Variants in KCTD16 observed in about 807,000 individuals in gnomAD.
KCTD16 encodes the protein BTB/POZ domain-containing protein KCTD16.
KCTD16 carries 13 observed loss-of-function variants against 33.2 expected under a neutral mutation model. That is an observed-to-expected ratio of 0.39 (90% confidence interval 0.25 to 0.62). The LOEUF (loss-of-function observed/expected upper bound fraction) is 0.62. KCTD16 is among the 20% of genes least tolerant of loss of function. KCTD16 has a pLI of 0.50. For missense variants in KCTD16, 441 were observed against 525.1 expected (o/e 0.84, Z 1.57); for synonymous variants, 197 against 195.3 (o/e 1.01, Z -0.07).
At chr5:144,446,190 A>T (rs1281828668) in intron 3 of KCTD16, among the ~76,000 whole-genome samples, 1 of 151,784 alleles carries the variant, frequency 6.6e-6, no homozygotes, top group Non-Finnish European at 1.5e-5. Flanking sequence ...TGATTTTTTT[A>T]AATGTGGGTA....
chr5:144,418,063 T>C (rs1753115573), intron 3 of KCTD16, among the ~76,000 whole-genome samples: 1 of 152,144 alleles, frequency 6.6e-6, no homozygotes, highest in Non-Finnish European at 1.5e-5. Context: ...GCAGTGAGTA[T>C]TACAGCTCTT....
chr5:144,436,063 C>T (rs1267779896), intron 3 of KCTD16, among the ~76,000 whole-genome samples: 1 of 152,196 alleles, frequency 6.6e-6, no homozygotes, highest in Non-Finnish European at 1.5e-5. Flanking sequence ...TAGAGCCGCT[C>T]TTTCTAGTTC....
intron 3 of KCTD16, among the ~76,000 whole-genome samples, chr5:144,459,052 A>T (rs895259525): frequency 9.2e-5 from 14 of 152,252 alleles, no homozygotes; most frequent in Non-Finnish European, 1.8e-4. Context: ...GATCAGCAGA[A>T]GGACTAACCA....
chr5:144,202,484 G>A lies in KCTD16; in HGVS notation c.-326-3905G>A, dbSNP rs576079427. On this transcript the variant is annotated intron_variant, in intron 2 of 3. Coordinates refer to ENST00000512467, the MANE Select transcript of KCTD16 (RefSeq NM_020768.4). ...ATCCCTGAGACTAAAGAAACAAGAA[G>A]GAGTACAGATCTGGGGATGTTAACC... is the stretch of plus-strand genomic sequence containing the variant. Among the ~76,000 whole-genome samples the A allele has an allele frequency of 7.2e-5, 11 of 152,214 alleles. No homozygotes were observed. The South Asian group carries it at 2.3e-3, about 32-fold the overall frequency.
chr5:144,325,092 A>T (rs1177511115), intron 3 of KCTD16, among the ~76,000 whole-genome samples: 1 of 152,230 alleles, frequency 6.6e-6, no homozygotes, highest in Non-Finnish European at 1.5e-5. Flanking sequence ...AAATAAAATA[A>T]AAAAGACTGT....
At chr5:144,402,532 T>A (rs1216223379) in intron 3 of KCTD16, among the ~76,000 whole-genome samples, 1 of 152,190 alleles carries the variant, frequency 6.6e-6, no homozygotes. Context: ...CACTGCTTAC[T>A]AGCTACAAGT....
At chr5:144,301,269 A>G (rs1391340042) in intron 3 of KCTD16, among the ~76,000 whole-genome samples, 2 of 150,310 alleles carry the variant, frequency 1.3e-5, no homozygotes. Context: ...AAAGATCGTG[A>G]AGGACATTGA....
chr5:144,452,880 T>C (rs1474817173), intron 3 of KCTD16, among the ~76,000 whole-genome samples: 1 of 152,116 alleles, frequency 6.6e-6, no homozygotes, highest in Non-Finnish European at 1.5e-5. Context: ...TGCTTTTCTC[T>C]GAAGTTCCAG....
At chr5:144,305,841 A>T (rs1045199735) in intron 3 of KCTD16, among the ~76,000 whole-genome samples, 3 of 152,112 alleles carry the variant, frequency 2.0e-5, no homozygotes, top group Non-Finnish European at 4.4e-5. Flanking sequence ...TAAAAAATAA[A>T]TAAAAAATAA....
chr5:144,284,928 T>C (rs1755703826), intron 3 of KCTD16, among the ~76,000 whole-genome samples: 1 of 152,202 alleles, frequency 6.6e-6, no homozygotes, highest in South Asian at 2.1e-4. Context: ...CCAGAATCCC[T>C]AAGTGACCAC....
intron 3 of KCTD16, among the ~76,000 whole-genome samples, chr5:144,261,167 C>CAAAAA (rs1299878040): frequency 1.1e-3 from 84 of 78,036 alleles, no homozygotes; most frequent in Non-Finnish European, 1.5e-3. Flanking sequence ...GGAACAACAA[C>CAAAAA]AAAAAAAAAA....
intron 3 of KCTD16, among the ~76,000 whole-genome samples, chr5:144,321,556 G>A (rs145360168): frequency 3.3e-5 from 5 of 152,140 alleles, no homozygotes; most frequent in Non-Finnish European, 7.4e-5. Context: ...TAGGTTAGCT[G>A]CAATGTTTTA....
chr5:144,274,328 G>C (rs1252483933), intron 3 of KCTD16, among the ~76,000 whole-genome samples: 1 of 152,068 alleles, frequency 6.6e-6, no homozygotes, highest in East Asian at 1.9e-4. Flanking sequence ...AGGTAGCTTG[G>C]CTAGGTTAAG....
intron 2 of KCTD16, chr5:144,206,078 G>A (rs77656644): frequency 0.016 from 2,402 of 151,752 alleles, 41 homozygotes; most frequent in Middle Eastern, 0.037. Context: ...CTGTCCAGCT[G>A]AAAAAAAAAT....
chr5:144,204,773 A>G (rs1031748824), intron 2 of KCTD16, among the ~76,000 whole-genome samples: 1 of 152,072 alleles, frequency 6.6e-6, no homozygotes, highest in Non-Finnish European at 1.5e-5. Context: ...ACCTATTTAC[A>G]TATATATTCA....
chr5:144,248,561 T>C lies in KCTD16; in HGVS notation c.832+41015T>C, dbSNP rs148747642. 4.3e-3 allele frequency among the ~76,000 whole-genome samples: 649 copies of C among 152,358 alleles called. 6 individuals carry two copies. The highest frequency in any genetic ancestry group is 0.015 in the African/African-American group (622 of 41,582). On this transcript the variant is annotated intron_variant, in intron 3 of 3. Coordinates refer to ENST00000512467, the MANE Select transcript of KCTD16 (RefSeq NM_020768.4). ...CTGACTTTCATTTTAACAGGCTCCC[T>C]CTGGCTGCTCTTTTGAAAATAGACT...
chr5:144,242,435 C>T (rs955658945), intron 3 of KCTD16, among the ~76,000 whole-genome samples: 3 of 151,982 alleles, frequency 2.0e-5, no homozygotes, highest in Non-Finnish European at 4.4e-5. Flanking sequence ...ACCAAGTTCC[C>T]AACTAATATG....
intron 3 of KCTD16, among the ~76,000 whole-genome samples, chr5:144,319,891 T>A (rs1462819590): frequency 5.3e-5 from 8 of 152,156 alleles, no homozygotes; most frequent in Non-Finnish European, 1.2e-4. Context: ...TTTATGTTGA[T>A]AATTGTATAT....
At chr5:144,302,166 A>C (rs768239997) in intron 3 of KCTD16, among the ~76,000 whole-genome samples, 28 of 152,212 alleles carry the variant, frequency 1.8e-4, no homozygotes, top group Admixed American at 7.2e-4. Flanking sequence ...GAGCACATTC[A>C]TAGGTGATCA....
Sources: allele counts gnomAD v4.1 joint callset (sites outside exome capture counted in the v4.1 genomes callset), GRCh38; gene constraint gnomAD v4.1.1; transcripts MANE v1.5; gene names NCBI Gene and HGNC (gene_info 2026-07-23, HGNC 2026-07-21).